GABRG3: variants seen among roughly 807,000 people sequenced by gnomAD.
GABRG3 encodes gamma-aminobutyric acid type A receptor subunit gamma3.
In GABRG3, 25 loss-of-function variants were observed where a neutral mutation model predicts 48.8. The observed-to-expected ratio is 0.51, with a 90% CI of 0.37 to 0.72. The LOEUF is 0.72. Among genes scored for constraint, GABRG3 ranks in the 30% least tolerant of loss-of-function variants. The pLI is 0.00. For synonymous variants in GABRG3, 227 were observed against 217.6 expected, an observed-to-expected ratio of 1.04 and a Z score of -0.38; for missense variants, 394 against 577.9, an observed-to-expected ratio of 0.68 and a Z score of 3.26.
At chr15:27,462,453 GA>G in intron 5 of GABRG3, among the ~76,000 whole-genome samples, 1 of 152,168 alleles carries the variant, frequency 6.6e-6, no homozygotes, top group South Asian at 2.1e-4. Context: ...AAGTAAAACA[GA>G]AATGTCTAAA....
In GABRG3 at chr15:27,308,280, C is replaced by CAT. The variant is rs1295382183; in HGVS notation, c.271-18527_271-18526dup. 9.3e-5 allele frequency among the ~76,000 whole-genome samples: 12 copies of CAT among 128,874 alleles called. 1 individual carries two copies. The highest frequency in any genetic ancestry group is 3.3e-4 in the African/African-American group (11 of 33,510). The allele number at this position is 128,874 out of a possible 152,430, so 84.5% of individuals were successfully genotyped here. A position where few individuals can be genotyped will look rare whatever the true frequency, so the allele number is the denominator to read the frequency against. On this transcript the variant is annotated intron_variant, in intron 3 of 9. Coordinates refer to ENST00000615808, the MANE Select transcript of GABRG3 (RefSeq NM_033223.5). ...CGTTTATATATAAACATAATATAAA[C>CAT]ATACGTTTATATATAAACATCATAT...
At chr15:27,413,185 A>G (rs1004627899) in intron 5 of GABRG3, among the ~76,000 whole-genome samples, 6 of 152,214 alleles carry the variant, frequency 3.9e-5, no homozygotes, top group Non-Finnish European at 7.3e-5. Flanking sequence ...AGTTTTATAG[A>G]TAATGTACAG....
rs192638441 is a variant in GABRG3 at position 27,253,024 on chromosome 15, C to T, written c.271-73785C>T. 6.0e-4 allele frequency among the ~76,000 whole-genome samples: 91 copies of T among 152,310 alleles called. 2 individuals are homozygous for T. The highest frequency in any genetic ancestry group is 2.0e-3 in the African/African-American group (83 of 41,552). ...CTCAGATGGTTTTGAGGTCACTGCT[C>T]CGGGCTGCGCCTTGCACGTTTAGAC... On this transcript the variant is annotated intron_variant, in intron 3 of 9. Coordinates refer to ENST00000615808, the MANE Select transcript of GABRG3 (RefSeq NM_033223.5).
intron 6 of GABRG3, among the ~76,000 whole-genome samples, chr15:27,489,363 G>A (rs987386704): frequency 6.6e-6 from 1 of 152,154 alleles, no homozygotes; most frequent in African/African-American, 2.4e-5. Context: ...CTTTATAGTA[G>A]AATGATTTAT....
At chr15:27,529,233 T>G (rs903553106) in intron 9 of GABRG3, among the ~76,000 whole-genome samples, 1 of 152,246 alleles carries the variant, frequency 6.6e-6, no homozygotes, top group African/African-American at 2.4e-5. Flanking sequence ...TTTGACAATT[T>G]AAAAACAAAT....
chr15:27,398,099 C>T (rs892533082), intron 5 of GABRG3, among the ~76,000 whole-genome samples: 12 of 152,022 alleles, frequency 7.9e-5, no homozygotes, highest in East Asian at 3.9e-4. Context: ...CCACTGTGCC[C>T]GGCTCTTCTC....
At chr15:27,042,532 G>A (rs1270338214) in intron 3 of GABRG3, among the ~76,000 whole-genome samples, 2 of 152,200 alleles carry the variant, frequency 1.3e-5, no homozygotes, top group Admixed American at 6.5e-5. Context: ...GGTGGTTGCA[G>A]CTGGCTCACC....
chr15:27,413,218 A>G (rs529793712), intron 5 of GABRG3, among the ~76,000 whole-genome samples: 6 of 152,320 alleles, frequency 3.9e-5, no homozygotes, highest in Admixed American at 3.3e-4. Flanking sequence ...TTTATTTACA[A>G]TAATTCATGA....
At chr15:27,269,460 C>T (rs982850855) in intron 3 of GABRG3, among the ~76,000 whole-genome samples, 3 of 152,134 alleles carry the variant, frequency 2.0e-5, no homozygotes, top group Non-Finnish European at 4.4e-5. Context: ...AAGTTCCTAT[C>T]CTAATTTCAA....
chr15:27,235,751 T>C (rs1038293074), intron 3 of GABRG3, among the ~76,000 whole-genome samples: 1 of 152,158 alleles, frequency 6.6e-6, no homozygotes, highest in Non-Finnish European at 1.5e-5. Flanking sequence ...AGAAATATCT[T>C]AGACTCCAGG....
At chr15:27,230,419 T>G (rs1889760939) in intron 3 of GABRG3, among the ~76,000 whole-genome samples, 1 of 152,208 alleles carries the variant, frequency 6.6e-6, no homozygotes, top group African/African-American at 2.4e-5. Context: ...AGACATACCC[T>G]TTATGTGCTC....
At chr15:27,188,788 A>G (rs1057003696) in intron 3 of GABRG3, among the ~76,000 whole-genome samples, 4 of 152,332 alleles carry the variant, frequency 2.6e-5, no homozygotes, top group Middle Eastern at 3.4e-3. Context: ...TGTTTTACAC[A>G]TGAAGTCCTT....
chr15:27,312,576 T>A (rs1893032720), intron 3 of GABRG3, among the ~76,000 whole-genome samples: 1 of 152,018 alleles, frequency 6.6e-6, no homozygotes, highest in African/African-American at 2.4e-5. Flanking sequence ...GACACCCCCA[T>A]AAAACTGTGA....
chr15:27,249,679 G>T (rs1330427668), intron 3 of GABRG3, among the ~76,000 whole-genome samples: 1 of 152,098 alleles, frequency 6.6e-6, no homozygotes, highest in Non-Finnish European at 1.5e-5. Context: ...GAAGGGATGA[G>T]TGAGTAAATG....
intron 5 of GABRG3, among the ~76,000 whole-genome samples, chr15:27,439,768 A>G (rs953069067): frequency 2.0e-5 from 3 of 152,162 alleles, no homozygotes; most frequent in Admixed American, 2.0e-4. Context: ...CTGAGATTGC[A>G]ACTGGAATTT....
intron 5 of GABRG3, among the ~76,000 whole-genome samples, chr15:27,434,612 A>G (rs1267894815): frequency 6.6e-6 from 1 of 152,234 alleles, no homozygotes; most frequent in Non-Finnish European, 1.5e-5. Context: ...GATAGCACAT[A>G]ATATAACTTA....
intron 3 of GABRG3, among the ~76,000 whole-genome samples, chr15:27,101,728 CA>C (rs1897360996): frequency 1.3e-5 from 2 of 151,366 alleles, no homozygotes; most frequent in Admixed American, 1.3e-4. Flanking sequence ...AAAAACAAAA[CA>C]ACACCCTAGA....
At chr15:27,303,815 T>C (rs912238986) in intron 3 of GABRG3, among the ~76,000 whole-genome samples, 1 of 151,456 alleles carries the variant, frequency 6.6e-6, no homozygotes, top group African/African-American at 2.4e-5. Flanking sequence ...TGTGTGTGTG[T>C]ATATATGTAT....
chr15:27,208,978 A>G (rs535541385), intron 3 of GABRG3, among the ~76,000 whole-genome samples: 5 of 152,332 alleles, frequency 3.3e-5, no homozygotes, highest in African/African-American at 1.2e-4. Flanking sequence ...AACTCACCCA[A>G]GTTCACAGAG....
Sources: gnomAD v4.1 joint callset for allele counts (sites outside exome capture counted in the v4.1 genomes callset) on GRCh38, gnomAD v4.1.1 for gene constraint, MANE v1.5 for transcripts, NCBI Gene and HGNC (gene_info 2026-07-23, HGNC 2026-07-21) for gene names.